The following SLC38A9 variants were observed in gnomAD, a reference collection of about 807,000 sequenced individuals.
The protein encoded by SLC38A9 is neutral amino acid transporter 9.
Under a neutral mutation model 62.3 loss-of-function variants are expected in SLC38A9, and 48 were observed. That is an observed-to-expected ratio of 0.77 (90% confidence interval 0.61 to 0.98). The LOEUF (loss-of-function observed/expected upper bound fraction) is 0.98, where lower values mean the gene tolerates loss of function less well. Ranked by LOEUF, SLC38A9 falls within the 50% of genes least tolerant of loss-of-function variation. The probability of loss-of-function intolerance (pLI) is 0.00; values close to 1 mark genes in which losing one functional copy is unlikely to be tolerated. For synonymous variants in SLC38A9, 204 were observed against 227.7 expected, an observed-to-expected ratio of 0.90 and a Z score of 0.94; for missense variants, 541 against 679.8, an observed-to-expected ratio of 0.80 and a Z score of 2.27.
rs1207832053 is a variant in SLC38A9 at position 55,680,194 on chromosome 5, T to C, written c.114-7499A>G. Among the ~76,000 whole-genome samples the C allele has an allele frequency of 1.0e-4, 15 of 149,344 alleles. No individual in the cohort carries two copies. In the Admixed American group the frequency reaches 1.0e-3, roughly 10 times the overall value. ...AAACTAGAAAGACAATGAAAGACAGTAAAGGTTTCAGTGTATATATCTATA... is the reference window on the plus strand; with the variant it reads ...AAACTAGAAAGACAATGAAAGACAGCAAAGGTTTCAGTGTATATATCTATA... On this transcript the variant is annotated intron_variant, in intron 3 of 15. Transcript: ENST00000396865.
At chr5:55,648,501 CT>C (rs1022007689) in intron 11 of SLC38A9, among the ~76,000 whole-genome samples, 24 of 152,112 alleles carry the variant, frequency 1.6e-4, no homozygotes, top group South Asian at 6.2e-4. Flanking sequence ...TACTTTATTC[CT>C]TTGAAAAGGC....
chr5:55,689,565 CTAAA>C (rs1025462905), intron 3 of SLC38A9, among the ~76,000 whole-genome samples: 18 of 152,304 alleles, frequency 1.2e-4, no homozygotes, highest in Middle Eastern at 3.4e-3. Flanking sequence ...ACCCTTTTGA[CTAAA>C]TATATACTTG....
chr5:55,700,551 TAA>T (rs1029045352), intron 2 of SLC38A9, among the ~76,000 whole-genome samples: 1 of 151,278 alleles, frequency 6.6e-6, no homozygotes, highest in African/African-American at 2.4e-5. Context: ...AGAAGAAGGA[TAA>T]AAAATAACTG....
intron 3 of SLC38A9, among the ~76,000 whole-genome samples, chr5:55,676,659 C>A (rs1752139735): frequency 6.6e-6 from 1 of 152,120 alleles, no homozygotes; most frequent in Non-Finnish European, 1.5e-5. Context: ...AAACAAGCTA[C>A]CTATTTTTCT....
intron 3 of SLC38A9, among the ~76,000 whole-genome samples, chr5:55,689,296 C>A (rs1754398081): frequency 6.6e-6 from 1 of 152,078 alleles, no homozygotes; most frequent in Admixed American, 6.6e-5. Flanking sequence ...ACTTCGGGGA[C>A]AATTTCAGAA....
Position 55,706,320 on chromosome 5 carries a change from T to C in SLC38A9, c.-35+5132A>G, listed in dbSNP as rs78068978. ...CTTTGTAAACCAATATACTCTGTAG[T>C]ATTGGTTCCTAAACTAAACTGAGAA... On this transcript the variant is annotated intron_variant, in intron 2 of 15. Transcript: ENST00000396865. Among the ~76,000 whole-genome samples, 148 of 152,330 alleles carry C rather than the reference T, an allele frequency of 9.7e-4. 1 individual carries two copies. Among genetic ancestry groups the C allele is most frequent in the African/African-American group, 3.0e-3 (126 of 41,568 alleles).
chr5:55,687,014 T>C (rs1753930014), intron 3 of SLC38A9, among the ~76,000 whole-genome samples: 1 of 152,088 alleles, frequency 6.6e-6, no homozygotes, highest in Non-Finnish European at 1.5e-5. Context: ...TTTTGGTTAC[T>C]GTACTCCTGT....
At chr5:55,685,827 A>G (rs571486322) in intron 3 of SLC38A9, among the ~76,000 whole-genome samples, 1 of 151,886 alleles carries the variant, frequency 6.6e-6, no homozygotes, top group South Asian at 2.1e-4. Flanking sequence ...GTTCCCCTCT[A>G]TGTGTCCATG....
At chr5:55,633,679 C>A in intron 14 of SLC38A9, 75 bp downstream of exon 14, 1 of 1,593,894 alleles carries the variant, frequency 6.3e-7, no homozygotes, top group South Asian at 1.1e-5. Context: ...AAGGATCAGT[C>A]ACACTTTAAA....
In SLC38A9 at chr5:55,645,899, G is replaced by C. The variant is rs760886352; in HGVS notation, c.1061-4C>G. 13 of 1,570,658 alleles carry C rather than the reference G, an allele frequency of 8.3e-6. No individual in the cohort carries two copies. The highest frequency in any genetic ancestry group is 7.8e-6 in the Non-Finnish European group (9 of 1,156,702). On this transcript the variant is annotated splice_region_variant and splice_polypyrimidine_tract_variant and intron_variant, in intron 11 of 15. Coordinates refer to ENST00000396865, the MANE Select transcript of SLC38A9 (RefSeq NM_173514.4). Reference sequence around the variant, plus strand: ...TGTGGAAACTGAAATCTTATCTCTAGGAGAAAAATAAAAACAAGAACATTA... The same window carrying C: ...TGTGGAAACTGAAATCTTATCTCTACGAGAAAAATAAAAACAAGAACATTA...
intron 2 of SLC38A9, among the ~76,000 whole-genome samples, chr5:55,703,396 C>A (rs1360887755): frequency 2.0e-5 from 3 of 152,096 alleles, no homozygotes; most frequent in Non-Finnish European, 4.4e-5. Context: ...AAAATTTATT[C>A]TTTTAAGATA....
At position 55,664,687 on chromosome 5, in the gene SLC38A9, A is replaced by G; in HGVS notation, c.697+6T>C. The G allele has an allele frequency of 6.8e-7, 1 of 1,466,060 alleles. No homozygotes were observed. The highest frequency in any genetic ancestry group is 9.2e-7 in the Non-Finnish European group (1 of 1,084,980). The allele number at this position is 1,466,060 out of a possible 1,614,324, so 90.8% of individuals were successfully genotyped here. ...TGTGTTAAAAGCATATGATATAGAT[A>G]CTTACTAAAAATAAACTTTCCAGTA... On this transcript the variant is annotated splice_donor_region_variant and intron_variant, in intron 8 of 15. Transcript: ENST00000396865.
At chr5:55,682,053 AAG>A (rs1487019509) in intron 3 of SLC38A9, among the ~76,000 whole-genome samples, 1 of 25,536 alleles carries the variant, frequency 3.9e-5, no homozygotes, top group African/African-American at 8.8e-5. Context: ...AGATGTGGAA[AAG>A]AGTCTTCCAC....
At chr5:55,671,071 T>G (rs1224692277) in intron 4 of SLC38A9, among the ~76,000 whole-genome samples, 1 of 152,198 alleles carries the variant, frequency 6.6e-6, no homozygotes, top group Non-Finnish European at 1.5e-5. Context: ...TTCTCTTCTT[T>G]TTATTAATAA....
At chr5:55,707,460 A>G (rs1259859161) in intron 2 of SLC38A9, among the ~76,000 whole-genome samples, 1 of 152,156 alleles carries the variant, frequency 6.6e-6, no homozygotes, top group Non-Finnish European at 1.5e-5. Context: ...TGTCTCTACT[A>G]AAAGTACAAA....
chr5:55,673,304 C>G (rs1489655952), intron 3 of SLC38A9: 1 of 152,090 alleles, frequency 6.6e-6, no homozygotes, highest in Non-Finnish European at 1.5e-5. Flanking sequence ...AGTAACATAC[C>G]CTTTTATTTA....
intron 3 of SLC38A9, among the ~76,000 whole-genome samples, chr5:55,688,331 T>C (rs546690862): frequency 6.6e-6 from 1 of 152,148 alleles, no homozygotes; most frequent in African/African-American, 2.4e-5. Flanking sequence ...TCCTTGTCTT[T>C]GTACCATGTT....
intron 1 of SLC38A9, among the ~76,000 whole-genome samples, chr5:55,711,743 T>A (rs549121813): frequency 6.6e-6 from 1 of 152,100 alleles, no homozygotes; most frequent in East Asian, 1.9e-4. Context: ...TGGAGAAAGG[T>A]GCTCCCAGCC....
intron 12 of SLC38A9, among the ~76,000 whole-genome samples, chr5:55,644,611 G>A (rs550092780): frequency 1.4e-4 from 21 of 151,264 alleles, no homozygotes; most frequent in Non-Finnish European, 2.8e-4. Context: ...TAGTAGAGAC[G>A]GCGTTTCACC....
Sources: allele counts gnomAD v4.1 joint callset (sites outside exome capture counted in the v4.1 genomes callset), GRCh38; gene constraint gnomAD v4.1.1; transcripts MANE v1.5; gene names NCBI Gene and HGNC (gene_info 2026-07-23, HGNC 2026-07-21).